Variants in SUPV3L1 observed in about 807,000 individuals in gnomAD.
SUPV3L1 encodes the protein Suv3 like RNA helicase, also known as ATP-dependent RNA helicase SUPV3L1, mitochondrial.
Under a neutral mutation model 70.0 loss-of-function variants are expected in SUPV3L1, and 35 were observed. The ratio of observed to expected loss-of-function variants is 0.50; its 90% CI spans 0.38 to 0.66. SUPV3L1 has a LOEUF of 0.66. SUPV3L1 is among the 30% of genes least tolerant of loss of function. The pLI is 0.00. For synonymous variants in SUPV3L1, 364 were observed against 341.9 expected, an observed-to-expected ratio of 1.06 and a Z score of -0.71; for missense variants, 777 against 961.5, an observed-to-expected ratio of 0.81 and a Z score of 2.54.
At chr10:69,195,399 A>T (rs946958049) in intron 7 of SUPV3L1, 134 bp downstream of exon 7, 2 of 457,960 alleles carry the variant, frequency 4.4e-6, no homozygotes, top group Non-Finnish European at 7.5e-6. Context: ...TAAACTAAGT[A>T]TGAGTTTTTA....
At chr10:69,196,229 C>G (rs1032118460) in intron 7 of SUPV3L1, among the ~76,000 whole-genome samples, 2 of 152,040 alleles carry the variant, frequency 1.3e-5, no homozygotes, top group Non-Finnish European at 2.9e-5. Flanking sequence ...CGGTGGCTCA[C>G]GCCTGTAATC....
intron 8 of SUPV3L1, among the ~76,000 whole-genome samples, chr10:69,198,019 G>A (rs1291608592): frequency 1.3e-5 from 2 of 152,148 alleles, no homozygotes; most frequent in Non-Finnish European, 2.9e-5. Context: ...TGCAAAATGT[G>A]CCTCAGACAT....
At chr10:69,199,591 C>T (rs1842632327) in intron 10 of SUPV3L1, among the ~76,000 whole-genome samples, 1 of 151,944 alleles carries the variant, frequency 6.6e-6, no homozygotes, top group Admixed American at 6.6e-5. Flanking sequence ...CCCTGTTGCC[C>T]AAGCTAGTCT....
chr10:69,191,710 G>A lies in SUPV3L1; in HGVS notation c.797G>A (p.Gly266Glu). Reference sequence around the variant, plus strand: ...GAGCGTGTGACAGTTCAGCCAAATGGGAAACAGGCTTCACATGTTTCTTGT... The same window carrying A: ...GAGCGTGTGACAGTTCAGCCAAATGAGAAACAGGCTTCACATGTTTCTTGT... The part of the protein sequence containing the change: ...GEERVTVQPN[G>E]KQASHVSCTV... The change falls in exon 6 of 15, where the codon GGG (glycine) becomes GAG (glutamate). Residue 266 changes from glycine to glutamate, a missense_variant. Gly to Glu is a moderately conservative substitution (Grantham distance 98). Around this residue, in one of 2 missense-constraint regions of SUPV3L1, gnomAD observed 619 missense variants for 823.3 expected, o/e 0.75. Coordinates refer to ENST00000359655, the MANE Select transcript of SUPV3L1 (RefSeq NM_003171.5). 1 of 1,614,030 alleles carries A rather than the reference G, an allele frequency of 6.2e-7. No homozygotes were observed.
intron 4 of SUPV3L1, 65 bp downstream of exon 4, chr10:69,187,821 A>T (rs534008823): frequency 1.2e-5 from 12 of 1,021,952 alleles, no homozygotes; most frequent in African/African-American, 1.2e-4. Flanking sequence ...CGTGGTCATT[A>T]TTTTTTTTTA....
chr10:69,186,152 G>A, intron 2 of SUPV3L1, 88 bp downstream of exon 2: 1 of 1,189,810 alleles, frequency 8.4e-7, no homozygotes. Context: ...ATGTGACCTG[G>A]CTGTTGTAGT....
At chr10:69,198,332 GT>G in intron 8 of SUPV3L1, 39 bp from the exon 9 acceptor site, 2 of 1,555,894 alleles carry the variant, frequency 1.3e-6, no homozygotes, top group Non-Finnish European at 1.7e-6. Flanking sequence ...AAGAAGTTGA[GT>G]TGGGTGTGTC....
chr10:69,207,651 A>C, intron 13 of SUPV3L1, 142 bp from the exon 14 acceptor site: 1 of 930,138 alleles, frequency 1.1e-6, no homozygotes, highest in Non-Finnish European at 1.6e-6. Context: ...AATGTAGAAG[A>C]GTATAAAGGA....
chr10:69,202,635 A>C, intron 12 of SUPV3L1, 116 bp downstream of exon 12: 2 of 1,183,458 alleles, frequency 1.7e-6, no homozygotes, highest in African/African-American at 1.6e-5. Flanking sequence ...CTATTTATAA[A>C]ATTTATTTTA....
At chr10:69,199,892 C>T (rs1033174956) in intron 10 of SUPV3L1, among the ~76,000 whole-genome samples, 13 of 152,010 alleles carry the variant, frequency 8.6e-5, no homozygotes, top group South Asian at 2.1e-4. Flanking sequence ...TGCCCCACGC[C>T]GGAGTACAGT....
chr10:69,208,512 C>T, intron 14 of SUPV3L1, 88 bp from the exon 15 acceptor site: 1 of 1,339,096 alleles, frequency 7.5e-7, no homozygotes. Flanking sequence ...TAGAATTTAT[C>T]AATGTCATGA....
At chr10:69,198,287 C>G in intron 8 of SUPV3L1, 85 bp from the exon 9 acceptor site, 1 of 1,268,374 alleles carries the variant, frequency 7.9e-7, no homozygotes, top group Non-Finnish European at 1.1e-6. Flanking sequence ...CTACTCTTAA[C>G]TGCATTACAA....
chr10:69,208,943 A>G lies in SUPV3L1; in HGVS notation c.2269A>G (p.Thr757Ala). 1 of 1,614,162 alleles carries G rather than the reference A, an allele frequency of 6.2e-7. No homozygotes were observed. Among genetic ancestry groups the G allele is most frequent in the East Asian group, 2.2e-5 (1 of 44,886 alleles). ...MLKQLEKEWM[T>A]QQTEHNKEKT... ...GAAACAGCTAGAAAAAGAGTGGATG[A>G]CACAACAAACTGAACACAACAAAGA... Residue 757 changes from threonine to alanine, a missense_variant, in exon 15 of 15, where the codon ACA becomes GCA. Physicochemically the swap from Thr to Ala is moderately conservative, Grantham distance 58. Around this residue, in one of 2 missense-constraint regions of SUPV3L1, gnomAD observed 619 missense variants for 823.3 expected, o/e 0.75. Transcript: ENST00000359655.
In SUPV3L1 at chr10:69,200,108, A is replaced by G. The variant is rs903269462; in HGVS notation, c.1299-172A>G. On this transcript the variant is annotated intron_variant, in intron 10 of 14. Coordinates refer to ENST00000359655, the MANE Select transcript of SUPV3L1 (RefSeq NM_003171.5). ...ACAATCCTCCTGCCTCAGCCTCCCA[A>G]AGTGCTGGGATTATGGGTGTGAGCC... 3.3e-5 allele frequency among the ~76,000 whole-genome samples: 5 copies of G among 152,074 alleles called. No homozygotes were observed. The South Asian group carries it at 8.3e-4, about 25-fold the overall frequency.
Position 69,202,985 on chromosome 10 carries a change from T to C in SUPV3L1, c.1718T>C (p.Val573Ala). The stretch of plus-strand genomic sequence containing the variant: ...CCACTAAGTCTGCGAGTGAGGTATG[T>C]TTTCTGCACAGCTCCTATCAACAAG... ...HIPLSLRVRY[V>A]FCTAPINKKQ... Residue 573 changes from valine to alanine, a missense_variant, in exon 13 of 15, where the codon GTT becomes GCT. Around this residue, in one of 2 missense-constraint regions of SUPV3L1, gnomAD observed 619 missense variants for 823.3 expected, o/e 0.75. Coordinates refer to ENST00000359655, the MANE Select transcript of SUPV3L1 (RefSeq NM_003171.5). The C allele has an allele frequency of 3.1e-6, 5 of 1,614,128 alleles. No individual in the cohort carries two copies. The highest frequency in any genetic ancestry group is 4.2e-6 in the Non-Finnish European group (5 of 1,180,006).
At chr10:69,183,879 T>G (rs1196871550) in intron 1 of SUPV3L1, among the ~76,000 whole-genome samples, 6 of 66,632 alleles carry the variant, frequency 9.0e-5, no homozygotes, top group African/African-American at 3.4e-4. Flanking sequence ...CAGTCCCCAG[T>G]GTCTTTTTTT....
chr10:69,182,721 A>T, intron 1 of SUPV3L1: 1 of 977,494 alleles, frequency 1.0e-6, no homozygotes. Flanking sequence ...ATTTTTCAGC[A>T]TGGCAGGAGG....
intron 1 of SUPV3L1, among the ~76,000 whole-genome samples, chr10:69,183,515 C>CA (rs1842126353): frequency 6.6e-6 from 1 of 152,122 alleles, no homozygotes; most frequent in Admixed American, 6.5e-5. Flanking sequence ...TCCATCTCTA[C>CA]AAAAAATACA....
At position 69,188,452 on chromosome 10, in the gene SUPV3L1, T is replaced by C. The variant is rs555679887; in HGVS notation, c.572+696T>C. 5.3e-5 allele frequency among the ~76,000 whole-genome samples: 8 copies of C among 152,294 alleles called. No homozygotes were observed. In the East Asian group the frequency reaches 1.5e-3, roughly 29 times the overall value. On this transcript the variant is annotated intron_variant, in intron 4 of 14. Coordinates refer to ENST00000359655, the MANE Select transcript of SUPV3L1 (RefSeq NM_003171.5). ...CAGTCCTGCACTGCCTTGTGGCCCA[T>C]GTCCCCACACATTTATTGCATGTAT...
Sources: gnomAD v4.1 joint callset for allele counts (sites outside exome capture counted in the v4.1 genomes callset) on GRCh38, gnomAD v4.1.1 for gene constraint, gnomAD v4.1.1 regional missense constraint, MANE v1.5 for transcripts, NCBI Gene and HGNC (gene_info 2026-07-23, HGNC 2026-07-21) for gene names.